The following BDKRB2 variants were observed in gnomAD, a reference collection of about 807,000 sequenced individuals.
The protein encoded by BDKRB2 is B2 bradykinin receptor.
A neutral mutation model predicts 4.0 loss-of-function variants in BDKRB2; 6 were observed. That is an observed-to-expected ratio of 1.49 (90% CI 0.81 to 2.93). The LOEUF (loss-of-function observed/expected upper bound fraction) is 2.93, where lower values mean the gene tolerates loss of function less well. Ranked by LOEUF, BDKRB2 falls within the 30% of genes most tolerant of loss-of-function variation. The probability of loss-of-function intolerance (pLI) is 0.00; values close to 1 mark genes in which losing one functional copy is unlikely to be tolerated. For missense variants in BDKRB2, 478 were observed against 520.1 expected (o/e 0.92, Z 0.79); for synonymous variants, 225 against 215.3 (o/e 1.05, Z -0.40).
rs190875519 is a variant in BDKRB2, at chr14:96,240,400, C to T, written c.75-3C>T. The T allele has an allele frequency of 1.4e-6, 2 of 1,423,066 alleles. No individual in the cohort carries two copies. Among genetic ancestry groups the T allele is most frequent in the Admixed American group, 5.4e-5 (2 of 37,104 alleles). 88.2% of individuals were successfully genotyped at this position (1,423,066 alleles called of 1,614,324 possible). A position where few individuals can be genotyped will look rare whatever the true frequency, so the allele number is the denominator to read the frequency against. On this transcript the variant is annotated splice_polypyrimidine_tract_variant and splice_region_variant and intron_variant, in intron 2 of 2. Coordinates refer to ENST00000554311, the MANE Select transcript of BDKRB2 (RefSeq NM_001379692.1). Reference sequence around the variant, plus strand: ...TAACAGCCTCTTTTCCACTTTCTTTCAGCGCCGACATGCTCAATGTCACCT... The same window carrying T: ...TAACAGCCTCTTTTCCACTTTCTTTTAGCGCCGACATGCTCAATGTCACCT...
In BDKRB2 at chr14:96,220,420, G is replaced by A. The variant is rs76050635; in HGVS notation, c.-40+15461G>A. Among the ~76,000 whole-genome samples, 1,058 of 152,168 alleles carry A rather than the reference G, an allele frequency of 7.0e-3. 28 individuals are homozygous for A. In the East Asian group the frequency reaches 0.097, roughly 14 times the overall value. ...CACCATGACACATAGACCCTGAAGT[G>A]TTTTAAATCAATTACAAAAAGCAAA... On this transcript the variant is annotated intron_variant, in intron 1 of 2. Transcript: ENST00000554311.
At chr14:96,237,278 A>G in intron 2 of BDKRB2, 97 bp downstream of exon 2, 1 of 1,148,838 alleles carries the variant, frequency 8.7e-7, no homozygotes, top group Non-Finnish European at 1.3e-6. Context: ...CCCGGACAAC[A>G]GTTGAAGGAA....
chr14:96,219,266 C>A (rs530586696), intron 1 of BDKRB2, among the ~76,000 whole-genome samples: 1 of 152,278 alleles, frequency 6.6e-6, no homozygotes, highest in Non-Finnish European at 1.5e-5. Flanking sequence ...TGCGCCATTG[C>A]ACTCCAGCCT....
chr14:96,241,766 C>CTA lies in BDKRB2; in HGVS notation c.*262_*263insTA. The CTA allele has an allele frequency of 2.5e-5, 9 of 362,698 alleles. No individual in the cohort carries two copies. Among genetic ancestry groups the CTA allele is most frequent in the South Asian group, 1.0e-4 (1 of 10,040 alleles). The allele number at this position is 362,698 out of a possible 1,614,324, so 22.5% of individuals were successfully genotyped here. A position where few individuals can be genotyped will look rare whatever the true frequency, so the allele number is the denominator to read the frequency against. On this transcript the variant is annotated 3_prime_UTR_variant, in exon 3 of 3. Coordinates refer to ENST00000554311, the MANE Select transcript of BDKRB2 (RefSeq NM_001379692.1). ...GTTCTTATTTGCTGCCACACCTGAGCCAGCCTGCTCCTTCCCAGGAGTGGA... is the reference window on the plus strand; with the variant it reads ...GTTCTTATTTGCTGCCACACCTGAGCTACAGCCTGCTCCTTCCCAGGAGTGGA...
chr14:96,212,078 C>T lies in BDKRB2; in HGVS notation c.-40+7119C>T, dbSNP rs111317956. On this transcript the variant is annotated intron_variant, in intron 1 of 2. Coordinates refer to ENST00000554311, the MANE Select transcript of BDKRB2 (RefSeq NM_001379692.1). ...TGAGCCTGGCTGTCTCTTGAGGCAACAGGCAGGGACAGAATCTGGAGGGAG... is the reference window on the plus strand; with the variant it reads ...TGAGCCTGGCTGTCTCTTGAGGCAATAGGCAGGGACAGAATCTGGAGGGAG... Among the ~76,000 whole-genome samples, 4 of 152,228 alleles carry T rather than the reference C, an allele frequency of 2.6e-5. 1 individual carries two copies. Among genetic ancestry groups the T allele is most frequent in the African/African-American group, 9.6e-5 (4 of 41,540 alleles).
intron 1 of BDKRB2, among the ~76,000 whole-genome samples, chr14:96,208,940 C>T (rs1025638264): frequency 1.2e-4 from 19 of 152,278 alleles, no homozygotes; most frequent in East Asian, 7.7e-4. Context: ...AGGGGACGCC[C>T]GTGGGGTGTT....
At chr14:96,233,630 G>C (rs1231372320) in intron 1 of BDKRB2, 2 of 152,164 alleles carry the variant, frequency 1.3e-5, no homozygotes, top group African/African-American at 4.8e-5. Flanking sequence ...TGAATCATTG[G>C]CTACAAGGTC....
intron 1 of BDKRB2, 31 bp downstream of exon 1, chr14:96,204,990 C>A (rs1473493728): frequency 5.0e-6 from 1 of 199,620 alleles, no homozygotes; most frequent in African/African-American, 2.4e-5. Flanking sequence ...GCTCCAGCCG[C>A]CTCACCTCTG....
intron 1 of BDKRB2, among the ~76,000 whole-genome samples, chr14:96,220,305 CA>C (rs1302121325): frequency 7.2e-5 from 11 of 151,984 alleles, no homozygotes; most frequent in African/African-American, 2.4e-4. Context: ...TACATTATGC[CA>C]GGGGTCTCAA....
At chr14:96,238,353 C>T (rs988883069) in intron 2 of BDKRB2, 2 of 672,472 alleles carry the variant, frequency 3.0e-6, no homozygotes, top group Non-Finnish European at 3.7e-6. Flanking sequence ...AGAAATCACA[C>T]ACCATCCCTG....
In BDKRB2 at chr14:96,235,648, T is replaced by C. The variant is rs138089678; in HGVS notation, c.-39-1421T>C. ...AACTCAGCTTTTTGTTTTAGTGTGT[T>C]TGAATTCCCTGAACTGACCGTTGTC... On this transcript the variant is annotated intron_variant, in intron 1 of 2. Transcript: ENST00000554311. Among the ~76,000 whole-genome samples, 1,285 of 152,294 alleles carry C rather than the reference T, an allele frequency of 8.4e-3. 15 individuals carry two copies. Among genetic ancestry groups the C allele is most frequent in the Middle Eastern group, 0.065 (19 of 294 alleles).
intron 1 of BDKRB2, among the ~76,000 whole-genome samples, chr14:96,205,632 G>A (rs758237742): frequency 4.0e-4 from 61 of 152,180 alleles, no homozygotes; most frequent in Admixed American, 2.9e-3. Context: ...TCCAAGCACC[G>A]GCTTTGCATC....
intron 1 of BDKRB2, among the ~76,000 whole-genome samples, chr14:96,217,463 A>C (rs1455988757): frequency 6.6e-6 from 1 of 152,246 alleles, no homozygotes; most frequent in East Asian, 1.9e-4. Context: ...ACCTGCTCAA[A>C]GGCATATTGT....
rs1885377854 is a variant in BDKRB2 at position 96,244,113 on chromosome 14, T to C, written c.*2609T>C. On this transcript the variant is annotated 3_prime_UTR_variant, in exon 3 of 3. Transcript: ENST00000554311. Reference sequence around the variant, plus strand: ...ATTTCACATCCAAACGAGAAAATCATGTAAACATGTGTCTTTTCTGTAGAG... The same window carrying C: ...ATTTCACATCCAAACGAGAAAATCACGTAAACATGTGTCTTTTCTGTAGAG... 5.0e-6 allele frequency: 2 copies of C among 398,586 alleles called. No homozygotes were observed. Among genetic ancestry groups the C allele is most frequent in the Non-Finnish European group, 8.8e-6 (2 of 226,058 alleles). 24.7% of individuals were successfully genotyped at this position (398,586 alleles called of 1,614,324 possible). A position where few individuals can be genotyped will look rare whatever the true frequency, so the allele number is the denominator to read the frequency against.
chr14:96,221,720 A>T (rs1192733543), intron 1 of BDKRB2, among the ~76,000 whole-genome samples: 1 of 151,974 alleles, frequency 6.6e-6, no homozygotes, highest in Non-Finnish European at 1.5e-5. Context: ...AGCAAGGAAG[A>T]GGCTGGGTAA....
chr14:96,243,554 C>G lies in BDKRB2; in HGVS notation c.*2050C>G, dbSNP rs918542372. 2 of 152,130 alleles carry G rather than the reference C, an allele frequency of 1.3e-5. No homozygotes were observed. The highest frequency in any genetic ancestry group is 4.8e-5 in the African/African-American group (2 of 41,264). 9.4% of individuals were successfully genotyped at this position (152,130 alleles called of 1,614,324 possible). A position where few individuals can be genotyped will look rare whatever the true frequency, so the allele number is the denominator to read the frequency against. On this transcript the variant is annotated 3_prime_UTR_variant, in exon 3 of 3. Transcript: ENST00000554311. The stretch of plus-strand genomic sequence containing the variant: ...GAGCTAGAACCCGGCAGGCTAGAAC[C>G]TGGCAAGCTAGAACCTGGAGGGAAT...
chr14:96,206,028 GTTGGAGAAGGGC>G (rs58639844), intron 1 of BDKRB2, among the ~76,000 whole-genome samples: 18,114 of 152,140 alleles, frequency 0.12, 1,190 homozygotes, highest in East Asian at 0.22. Context: ...CCATTTCTGA[GTTGGAGAAGGGC>G]TTAGGTGGTG....
intron 1 of BDKRB2, among the ~76,000 whole-genome samples, chr14:96,227,746 C>T (rs1890732775): frequency 6.6e-6 from 1 of 152,244 alleles, no homozygotes; most frequent in South Asian, 2.1e-4. Flanking sequence ...GGCTACTCCT[C>T]TGTAGCCTGC....
intron 1 of BDKRB2, chr14:96,214,639 G>A (rs773235637): frequency 6.6e-6 from 1 of 152,448 alleles, no homozygotes; most frequent in Non-Finnish European, 1.5e-5. Context: ...GCACAGCCAG[G>A]AGATGTCCCC....
Sources: gnomAD v4.1 joint callset for allele counts (sites outside exome capture counted in the v4.1 genomes callset) on GRCh38, gnomAD v4.1.1 for gene constraint, MANE v1.5 for transcripts, NCBI Gene and HGNC (gene_info 2026-07-23, HGNC 2026-07-21) for gene names.